The following CCDC175 variants were observed in gnomAD, a reference collection of about 807,000 sequenced individuals.
CCDC175 encodes the protein coiled-coil domain containing 175, also known as coiled-coil domain-containing protein 175.
In CCDC175, 100 loss-of-function variants were observed where a neutral mutation model predicts 114.6. That is an observed-to-expected ratio of 0.87 (90% CI 0.74 to 1.03). CCDC175 has a LOEUF of 1.03. CCDC175 is among the 50% of genes least tolerant of loss of function. CCDC175 has a pLI of 0.00. For missense variants in CCDC175, 880 were observed against 917.8 expected, an observed-to-expected ratio of 0.96 and a Z score of 0.53; for synonymous variants, 306 against 308.7, an observed-to-expected ratio of 0.99 and a Z score of 0.09.
chr14:59,548,309 T>C (rs188522248), intron 8 of CCDC175, among the ~76,000 whole-genome samples: 1 of 151,784 alleles, frequency 6.6e-6, no homozygotes, highest in East Asian at 1.9e-4. Context: ...GGAGGGGAGA[T>C]GCTGGGAAAA....
intron 8 of CCDC175, among the ~76,000 whole-genome samples, chr14:59,548,856 G>C (rs751661667): frequency 1.3e-5 from 2 of 152,134 alleles, no homozygotes; most frequent in Non-Finnish European, 2.9e-5. Flanking sequence ...TTCTGGGAGG[G>C]AGCTGCCTTT....
At chr14:59,569,747 G>T (rs1160093526) in intron 3 of CCDC175, among the ~76,000 whole-genome samples, 1 of 152,134 alleles carries the variant, frequency 6.6e-6, no homozygotes, top group African/African-American at 2.4e-5. Context: ...ATCAGTCAGG[G>T]TCCAATTAGG....
At position 59,568,341 on chromosome 14, in the gene CCDC175, A is replaced by C. The variant is rs1896670677; in HGVS notation, c.395T>G (p.Ile132Arg). 1 of 1,531,268 alleles carries C rather than the reference A, an allele frequency of 6.5e-7. No homozygotes were observed. Among genetic ancestry groups the C allele is most frequent in the Non-Finnish European group, 8.7e-7 (1 of 1,144,950 alleles). The allele number at this position is 1,531,268 out of a possible 1,614,324, so 94.9% of individuals were successfully genotyped here. The change falls in exon 4 of 20, where the codon ATA (isoleucine) becomes AGA (arginine). Residue 132 changes from isoleucine (I) to arginine (R), a missense_variant. Coordinates refer to ENST00000537690, the MANE Select transcript of CCDC175 (RefSeq NM_001164399.2). ...RDARRLNLFE[I>R]NTIKMRITRT... Reference sequence around the variant, plus strand: ...TGTAATTCTCATTTTTATTGTATTTATCTCAAAAAGATTTAATCTGCGAGC... The same window carrying C: ...TGTAATTCTCATTTTTATTGTATTTCTCTCAAAAAGATTTAATCTGCGAGC...
rs545304806 is a variant in CCDC175 at position 59,515,612 on chromosome 14, G to C, written c.2099-3809C>G. On this transcript the variant is annotated intron_variant, in intron 17 of 19. Transcript: ENST00000537690. ...TAAAGGGATCAATTCAACAAGAAGA[G>C]CTAACTATCCTAAATATATATGCAC... is the stretch of plus-strand genomic sequence containing the variant. Among the ~76,000 whole-genome samples the C allele has an allele frequency of 1.5e-3, 234 of 152,232 alleles. 2 individuals are homozygous for C. Among genetic ancestry groups the C allele is most frequent in the African/African-American group, 5.5e-3 (227 of 41,536 alleles).
In CCDC175 at chr14:59,536,564, C is replaced by G. The variant is rs572810417; in HGVS notation, c.1623+1459G>C. Reference sequence around the variant, plus strand: ...TGCTTTCCACCCCGCCTCCTCTCCCCCCTCACCCCGTTTCTTCTAACATTG... The same window carrying G: ...TGCTTTCCACCCCGCCTCCTCTCCCGCCTCACCCCGTTTCTTCTAACATTG... On this transcript the variant is annotated intron_variant, in intron 13 of 19. Coordinates refer to ENST00000537690, the MANE Select transcript of CCDC175 (RefSeq NM_001164399.2). Among the ~76,000 whole-genome samples the G allele has an allele frequency of 2.1e-4, 32 of 151,948 alleles. No homozygotes were observed. The East Asian group carries it at 4.9e-3, about 23-fold the overall frequency.
intron 19 of CCDC175, 133 bp downstream of exon 19, chr14:59,510,513 A>C: frequency 1.1e-6 from 1 of 871,328 alleles, no homozygotes; most frequent in Non-Finnish European, 1.8e-6. Context: ...TCAATGTTCA[A>C]TTGAATGTTT....
At chr14:59,544,838 G>A (rs1455654458) in intron 9 of CCDC175, among the ~76,000 whole-genome samples, 1 of 152,182 alleles carries the variant, frequency 6.6e-6, no homozygotes, top group Non-Finnish European at 1.5e-5. Context: ...ACACCAGACA[G>A]ACAGCATGTT....
At chr14:59,516,987 C>T (rs1303862295) in intron 17 of CCDC175, among the ~76,000 whole-genome samples, 3 of 152,194 alleles carry the variant, frequency 2.0e-5, no homozygotes, top group Non-Finnish European at 2.9e-5. Context: ...AAGAGGGCTT[C>T]ATCCCTGGGA....
chr14:59,540,652 T>C, intron 11 of CCDC175, 23 bp downstream of exon 11: 2 of 1,330,414 alleles, frequency 1.5e-6, no homozygotes, highest in South Asian at 3.0e-5. Flanking sequence ...AATAAACTTT[T>C]TTTTTTTTTT....
intron 8 of CCDC175, among the ~76,000 whole-genome samples, 155 bp from the exon 9 acceptor site, chr14:59,545,454 T>C (rs931854353): frequency 1.4e-4 from 21 of 152,078 alleles, no homozygotes; most frequent in Non-Finnish European, 2.8e-4. Context: ...ATAGCAAACA[T>C]ACAACTGTAT....
intron 15 of CCDC175, among the ~76,000 whole-genome samples, chr14:59,525,968 C>A (rs1458527770): frequency 6.6e-6 from 1 of 152,066 alleles, no homozygotes; most frequent in Non-Finnish European, 1.5e-5. Flanking sequence ...GTCCTGGAAC[C>A]AATCCCCCAT....
chr14:59,542,441 T>G (rs1894843255), intron 10 of CCDC175, among the ~76,000 whole-genome samples: 4 of 151,872 alleles, frequency 2.6e-5, no homozygotes, highest in Admixed American at 2.6e-4. Context: ...GCATCCTCCT[T>G]TGATCCAGCA....
At position 59,547,447 on chromosome 14, in the gene CCDC175, T is replaced by C. The variant is rs1236375377; in HGVS notation, c.1036-2148A>G. On this transcript the variant is annotated intron_variant, in intron 8 of 19. Coordinates refer to ENST00000537690, the MANE Select transcript of CCDC175 (RefSeq NM_001164399.2). The stretch of plus-strand genomic sequence containing the variant: ...GGTGAAGGATTTATACCACTGGCCA[T>C]AAAAACTCATTTTAAAGGTACTAAT... 9.2e-5 allele frequency among the ~76,000 whole-genome samples: 14 copies of C among 152,202 alleles called. No homozygotes were observed. The East Asian group carries it at 2.5e-3, about 27-fold the overall frequency.
rs1259858424 is a variant in CCDC175, at chr14:59,561,192, G to A, written c.880C>T (p.His294Tyr). Residue 294 changes from histidine to tyrosine, a missense_variant, in exon 7 of 20, where the codon CAC (histidine) becomes TAC (tyrosine). Coordinates refer to ENST00000537690, the MANE Select transcript of CCDC175 (RefSeq NM_001164399.2). ...SDHNLEIARLHESIRYWEQEV... is the reference protein window; with the variant it reads ...SDHNLEIARLYESIRYWEQEV... ...TGTTCCCAATACCTTATTGATTCGTGTAGTCGTGCTATCTCTAAATTGTGA... is the reference window on the plus strand; with the variant it reads ...TGTTCCCAATACCTTATTGATTCGTATAGTCGTGCTATCTCTAAATTGTGA... The A allele has an allele frequency of 6.5e-7, 1 of 1,535,108 alleles. No homozygotes were observed. The highest frequency in any genetic ancestry group is 1.4e-5 in the African/African-American group (1 of 72,944).
At chr14:59,561,926 G>C (rs1896244159) in intron 6 of CCDC175, among the ~76,000 whole-genome samples, 1 of 152,152 alleles carries the variant, frequency 6.6e-6, no homozygotes, top group Non-Finnish European at 1.5e-5. Context: ...AATTACCATG[G>C]ACATAATATT....
At chr14:59,508,268 T>C (rs1433098241) in intron 19 of CCDC175, among the ~76,000 whole-genome samples, 1 of 151,936 alleles carries the variant, frequency 6.6e-6, no homozygotes, top group Non-Finnish European at 1.5e-5. Flanking sequence ...TTCGCCCCGC[T>C]TTGTTTAGTC....
chr14:59,549,562 G>A (rs1895326928), intron 8 of CCDC175, among the ~76,000 whole-genome samples: 1 of 151,366 alleles, frequency 6.6e-6, no homozygotes, highest in South Asian at 2.1e-4. Flanking sequence ...TCTATTAAAA[G>A]TACAAAAATT....
At chr14:59,541,612 T>A (rs1436629270) in intron 10 of CCDC175, among the ~76,000 whole-genome samples, 1 of 152,202 alleles carries the variant, frequency 6.6e-6, no homozygotes, top group African/African-American at 2.4e-5. Flanking sequence ...AAAATAAATC[T>A]AATATCCTCC....
chr14:59,534,833 T>C (rs1427888840), intron 13 of CCDC175, among the ~76,000 whole-genome samples: 1 of 152,202 alleles, frequency 6.6e-6, no homozygotes, highest in Non-Finnish European at 1.5e-5. Flanking sequence ...CTGGGATGTT[T>C]ATATTATGAA....
Sources: gnomAD v4.1 joint callset for allele counts (sites outside exome capture counted in the v4.1 genomes callset) on GRCh38, gnomAD v4.1.1 for gene constraint, MANE v1.5 for transcripts, NCBI Gene and HGNC (gene_info 2026-07-23, HGNC 2026-07-21) for gene names.